Variants in FNTA observed in about 807,000 individuals in gnomAD.
FNTA encodes protein farnesyltransferase/geranylgeranyltransferase type-1 subunit alpha.
Under a neutral mutation model 55.2 loss-of-function variants are expected in FNTA, and 27 were observed. The ratio of observed to expected loss-of-function variants is 0.49; its 90% CI spans 0.36 to 0.67. The LOEUF (loss-of-function observed/expected upper bound fraction) is 0.67, where lower values mean the gene tolerates loss of function less well. FNTA is among the 30% of genes least tolerant of loss of function. FNTA has a pLI of 0.00. For synonymous variants in FNTA, 176 were observed against 170.7 expected, an observed-to-expected ratio of 1.03 and a Z score of -0.24; for missense variants, 422 against 464.7, an observed-to-expected ratio of 0.91 and a Z score of 0.85.
At chr8:43,057,762 A>G (rs975248117) in intron 1 of FNTA, among the ~76,000 whole-genome samples, 8 of 152,162 alleles carry the variant, frequency 5.3e-5, no homozygotes, top group African/African-American at 1.4e-4. Context: ...GTTCCAGACT[A>G]ACCTGGCCAA....
At chr8:43,060,196 A>G (rs1333378979) in intron 2 of FNTA, among the ~76,000 whole-genome samples, 1 of 152,238 alleles carries the variant, frequency 6.6e-6, no homozygotes, top group Non-Finnish European at 1.5e-5. Context: ...GAGAGATAGT[A>G]TATATGAAGA....
At chr8:43,071,151 A>G (rs935518561) in intron 4 of FNTA, among the ~76,000 whole-genome samples, 28 of 152,112 alleles carry the variant, frequency 1.8e-4, no homozygotes, top group African/African-American at 6.8e-4. Flanking sequence ...TTATACTCTA[A>G]TATAGATTTT....
chr8:43,064,293 T>C (rs1329301787), intron 3 of FNTA, 78 bp downstream of exon 3: 5 of 895,190 alleles, frequency 5.6e-6, no homozygotes, highest in Non-Finnish European at 8.9e-6. Flanking sequence ...AACTGTACTT[T>C]AATTTTTTTA....
chr8:43,082,662 A>T (rs1234428356), intron 6 of FNTA: 5 of 152,358 alleles, frequency 3.3e-5, no homozygotes, highest in Non-Finnish European at 7.3e-5. Context: ...GATTCTCGTG[A>T]TTTAAATATG....
chr8:43,070,648 A>T (rs775022438), intron 4 of FNTA, among the ~76,000 whole-genome samples: 2 of 152,168 alleles, frequency 1.3e-5, no homozygotes, highest in African/African-American at 2.4e-5. Flanking sequence ...ACACAAAACC[A>T]CTCAAAGTAG....
At chr8:43,073,093 T>G (rs181093460) in intron 5 of FNTA, among the ~76,000 whole-genome samples, 29 of 152,318 alleles carry the variant, frequency 1.9e-4, no homozygotes, top group African/African-American at 6.7e-4. Flanking sequence ...TTCCTGTGAA[T>G]TTTTTCCAGG....
At chr8:43,062,974 G>C (rs1056617843) in intron 2 of FNTA, among the ~76,000 whole-genome samples, 3 of 152,004 alleles carry the variant, frequency 2.0e-5, no homozygotes, top group African/African-American at 7.2e-5. Context: ...TCAGAGACAG[G>C]CTCTCACTAT....
intron 2 of FNTA, among the ~76,000 whole-genome samples, chr8:43,062,804 G>T (rs953369268): frequency 7.2e-5 from 11 of 152,112 alleles, no homozygotes; most frequent in African/African-American, 2.7e-4. Context: ...ATTTAATTCA[G>T]TTCTGACATT....
chr8:43,071,505 T>C (rs1003169244), intron 4 of FNTA, among the ~76,000 whole-genome samples: 30 of 151,916 alleles, frequency 2.0e-4, no homozygotes, highest in African/African-American at 7.3e-4. Context: ...ACCCCGTCTC[T>C]ACTTAAAATC....
chr8:43,069,871 T>C (rs1312510772), intron 4 of FNTA, among the ~76,000 whole-genome samples: 1 of 151,868 alleles, frequency 6.6e-6, no homozygotes, highest in Non-Finnish European at 1.5e-5. Context: ...CTCGAACTTC[T>C]GACCTCAGGT....
chr8:43,080,653 G>A (rs1288606059), intron 6 of FNTA: 1 of 151,970 alleles, frequency 6.6e-6, no homozygotes, highest in African/African-American at 2.4e-5. Flanking sequence ...AGTTTCAATC[G>A]GTATGATTAT....
chr8:43,078,916 T>C (rs1810967007), intron 6 of FNTA: 1 of 152,312 alleles, frequency 6.6e-6, no homozygotes, highest in Admixed American at 6.5e-5. Flanking sequence ...ATTGCTGGTA[T>C]AGAGAAAGTT....
At chr8:43,080,949 TCTAAAAGAGCTTC>T (rs1206831834) in intron 6 of FNTA, 1 of 152,192 alleles carries the variant, frequency 6.6e-6, no homozygotes, top group Non-Finnish European at 1.5e-5. Context: ...TACCCAAGAA[TCTAAAAGAGCTTC>T]CTATACTTAG....
chr8:43,072,468 G>A (rs946364422), intron 5 of FNTA, among the ~76,000 whole-genome samples, 161 bp downstream of exon 5: 1 of 152,132 alleles, frequency 6.6e-6, no homozygotes, highest in African/African-American at 2.4e-5. Flanking sequence ...GCTCATGTCT[G>A]TGATCCCAGT....
intron 1 of FNTA, 104 bp from the exon 2 acceptor site, chr8:43,058,988 T>A (rs1281669043): frequency 1.2e-6 from 1 of 813,034 alleles, no homozygotes; most frequent in Non-Finnish European, 2.0e-6. Flanking sequence ...CCCTGTAAGT[T>A]ATTAATATCA....
intron 3 of FNTA, among the ~76,000 whole-genome samples, chr8:43,067,091 C>T (rs746024568): frequency 2.6e-5 from 4 of 152,158 alleles, no homozygotes; most frequent in Non-Finnish European, 4.4e-5. Flanking sequence ...CTTTAACTCA[C>T]CCTGCCTTCC....
intron 5 of FNTA, among the ~76,000 whole-genome samples, chr8:43,072,889 C>T (rs1273419440): frequency 6.6e-6 from 1 of 152,034 alleles, no homozygotes; most frequent in African/African-American, 2.4e-5. Flanking sequence ...CATATTTTTA[C>T]TACAGATGTA....
chr8:43,082,562 T>TA (rs1811046593), intron 6 of FNTA: 1 of 152,218 alleles, frequency 6.6e-6, no homozygotes, highest in Non-Finnish European at 1.5e-5. Context: ...GGAAATATTT[T>TA]ATGTTCCTTT....
chr8:43,071,694 CAAA>C (rs71231890), intron 4 of FNTA, among the ~76,000 whole-genome samples: 9 of 73,270 alleles, frequency 1.2e-4, no homozygotes, highest in African/African-American at 1.7e-4. Flanking sequence ...GACTTCGTCT[CAAA>C]AAAAAAAAAA....
Sources: gnomAD v4.1 joint callset for allele counts (sites outside exome capture counted in the v4.1 genomes callset) on GRCh38, gnomAD v4.1.1 for gene constraint, MANE v1.5 for transcripts, NCBI Gene and HGNC (gene_info 2026-07-23, HGNC 2026-07-21) for gene names.